BLTP3A: variants seen among roughly 807,000 people sequenced by gnomAD.
The protein encoded by BLTP3A is bridge-like lipid transfer protein family member 3A.
chr6:34,821,788 G>T, the BLTP3A span: 1 of 1,613,986 alleles, frequency 6.2e-7, no homozygotes, highest in Non-Finnish European at 8.5e-7. Flanking sequence ...CCATCACTCG[G>T]GTCTACTGCA....
At chr6:34,835,231 A>G in the BLTP3A span, 6 of 1,550,976 alleles carry the variant, frequency 3.9e-6, no homozygotes, top group Non-Finnish European at 5.3e-6. Flanking sequence ...ATTGGGCAAC[A>G]GTCACTTTGA....
At chr6:34,802,915 C>T in the BLTP3A span, among the ~76,000 whole-genome samples, 1 of 152,106 alleles carries the variant, frequency 6.6e-6, no homozygotes, top group African/African-American at 2.4e-5. Flanking sequence ...GTGGCTTACA[C>T]CTATAATCCT....
chr6:34,868,910 T>G, the BLTP3A span, among the ~76,000 whole-genome samples: 1 of 151,880 alleles, frequency 6.6e-6, no homozygotes, highest in Non-Finnish European at 1.5e-5. Context: ...ATTAAAATAT[T>G]GAGTAGATAC....
chr6:34,858,789 G>C, the BLTP3A span: 1 of 1,614,142 alleles, frequency 6.2e-7, no homozygotes, highest in South Asian at 1.1e-5. Flanking sequence ...CAGAGCTGGA[G>C]GATGTAGCAG....
At chr6:34,840,859 G>A in the BLTP3A span, among the ~76,000 whole-genome samples, 3 of 151,962 alleles carry the variant, frequency 2.0e-5, no homozygotes, top group African/African-American at 2.4e-5. Context: ...CTTGTGATCC[G>A]CCTTGGCCTC....
At chr6:34,828,603 A>G in the BLTP3A span, among the ~76,000 whole-genome samples, 1 of 152,010 alleles carries the variant, frequency 6.6e-6, no homozygotes, top group African/African-American at 2.4e-5. Context: ...TTCTCTGTTG[A>G]TGGATATTTG....
the BLTP3A span, among the ~76,000 whole-genome samples, chr6:34,813,412 A>G: frequency 6.6e-6 from 1 of 152,226 alleles, no homozygotes; most frequent in Non-Finnish European, 1.5e-5. Flanking sequence ...ACTTCCAAAC[A>G]TTGTGATACA....
chr6:34,835,568 C>A, the BLTP3A span: 1 of 1,318,802 alleles, frequency 7.6e-7, no homozygotes, highest in Non-Finnish European at 1.0e-6. Flanking sequence ...GGAAATTTGT[C>A]ATTTACTTCT....
At chr6:34,829,284 A>C in the BLTP3A span, among the ~76,000 whole-genome samples, 1 of 152,192 alleles carries the variant, frequency 6.6e-6, no homozygotes, top group Non-Finnish European at 1.5e-5. Flanking sequence ...AGCCCTAGGC[A>C]ACCACTCATC....
chr6:34,871,810 T>C, the BLTP3A span: 1 of 1,613,784 alleles, frequency 6.2e-7, no homozygotes, highest in East Asian at 2.2e-5. Context: ...CTTTACTTGT[T>C]TTCTCCAGCT....
At chr6:34,847,547 C>G in the BLTP3A span, among the ~76,000 whole-genome samples, 1 of 151,926 alleles carries the variant, frequency 6.6e-6, no homozygotes, top group Admixed American at 6.6e-5. Context: ...CTGTATATAG[C>G]TAAGCATTTA....
chr6:34,821,447 C>T, the BLTP3A span: 1 of 524,196 alleles, frequency 1.9e-6, no homozygotes, highest in South Asian at 2.6e-5. Context: ...TTTGTTCTGG[C>T]TGGTCTGAGT....
chr6:34,800,171 G>T, the BLTP3A span, among the ~76,000 whole-genome samples: 2 of 152,070 alleles, frequency 1.3e-5, no homozygotes, highest in Admixed American at 1.3e-4. Flanking sequence ...TAGGCCTTTA[G>T]AGGATTTACT....
the BLTP3A span, among the ~76,000 whole-genome samples, chr6:34,809,621 A>C: frequency 6.6e-6 from 1 of 152,026 alleles, no homozygotes; most frequent in East Asian, 1.9e-4. Context: ...ACTGGAGTGC[A>C]GTGCTGTGAT....
chr6:34,871,564 G>A, the BLTP3A span: 1 of 1,608,468 alleles, frequency 6.2e-7, no homozygotes. Context: ...GGCATCATGT[G>A]GTTTCTCTCT....
chr6:34,834,598 T>G, the BLTP3A span: 1 of 1,413,990 alleles, frequency 7.1e-7, no homozygotes, highest in Non-Finnish European at 9.6e-7. Context: ...CTGCTTTTTC[T>G]TGGTGGGATC....
chr6:34,862,193 C>G, the BLTP3A span, among the ~76,000 whole-genome samples: 1 of 151,234 alleles, frequency 6.6e-6, no homozygotes, highest in Admixed American at 6.6e-5. Context: ...CTGACTAACA[C>G]AGTGAAATCC....
At chr6:34,824,463 C>T in the BLTP3A span, among the ~76,000 whole-genome samples, 4 of 147,324 alleles carry the variant, frequency 2.7e-5, no homozygotes, top group Admixed American at 6.9e-5. Flanking sequence ...GAGGCTGAGG[C>T]AAGAGAATCG....
At chr6:34,825,270 G>C in the BLTP3A span, among the ~76,000 whole-genome samples, 1 of 151,932 alleles carries the variant, frequency 6.6e-6, no homozygotes, top group African/African-American at 2.4e-5. Context: ...TACTTCCAAG[G>C]GGGTGAAAGG....
Sources: allele counts gnomAD v4.1 joint callset (sites outside exome capture counted in the v4.1 genomes callset), GRCh38; gene constraint gnomAD v4.1.1; transcripts MANE v1.5; gene names NCBI Gene and HGNC (gene_info 2026-07-23, HGNC 2026-07-21).